SEC14L4: variants seen among roughly 807,000 people sequenced by gnomAD.
The protein encoded by SEC14L4 is SEC14-like protein 4.
Under a neutral mutation model 55.1 loss-of-function variants are expected in SEC14L4, and 42 were observed. The observed-to-expected ratio is 0.76, with a 90% CI of 0.60 to 0.99. SEC14L4 has a LOEUF of 0.99. Ranked by LOEUF, SEC14L4 falls within the 50% of genes least tolerant of loss-of-function variation. The pLI, the probability that SEC14L4 is intolerant of heterozygous loss-of-function variation, is 0.00. For missense variants in SEC14L4, 445 were observed against 512.1 expected, an observed-to-expected ratio of 0.87 and a Z score of 1.27; for synonymous variants, 206 against 206.8, an observed-to-expected ratio of 1.00 and a Z score of 0.03.
rs1171350949 is a variant in SEC14L4, at chr22:30,492,034, C to G, written c.771+15G>C. Reference sequence around the variant, plus strand: ...AGCTTCTCCCCTCCTTCCCCATCCTCTGGGCACCCTGTACCTTGGTCAGGC... The same window carrying G: ...AGCTTCTCCCCTCCTTCCCCATCCTGTGGGCACCCTGTACCTTGGTCAGGC... On this transcript the variant is annotated intron_variant, in intron 9 of 11. Coordinates refer to ENST00000255858, the MANE Select transcript of SEC14L4 (RefSeq NM_174977.4). 1.9e-6 allele frequency: 3 copies of G among 1,613,604 alleles called. No individual in the cohort carries two copies. The highest frequency in any genetic ancestry group is 2.5e-6 in the Non-Finnish European group (3 of 1,179,756).
chr22:30,489,702 C>T lies in SEC14L4; in HGVS notation c.*405G>A. ...GCTTCTCTGCTCTTCAGGCCTGAAG[C>T]TGTGATGTCCACAGGACCTAGGAAC... On this transcript the variant is annotated 3_prime_UTR_variant, in exon 12 of 12. Coordinates refer to ENST00000255858, the MANE Select transcript of SEC14L4 (RefSeq NM_174977.4). 1.5e-6 allele frequency: 1 copy of T among 683,588 alleles called. No individual in the cohort carries two copies. Among genetic ancestry groups the T allele is most frequent in the South Asian group, 1.8e-5 (1 of 57,060 alleles). 42.3% of individuals were successfully genotyped at this position (683,588 alleles called of 1,614,324 possible). A position where few individuals can be genotyped will look rare whatever the true frequency, so the allele number is the denominator to read the frequency against.
At chr22:30,501,096 G>T (rs1033219971) in intron 2 of SEC14L4, among the ~76,000 whole-genome samples, 2 of 152,070 alleles carry the variant, frequency 1.3e-5, no homozygotes, top group African/African-American at 2.4e-5. Context: ...CAGAAGGAGG[G>T]TTGGGAAAAG....
rs928661200 is a variant in SEC14L4 at position 30,492,043 on chromosome 22, C to G, written c.771+6G>C. 1.2e-6 allele frequency: 2 copies of G among 1,613,810 alleles called. No homozygotes were observed. Among genetic ancestry groups the G allele is most frequent in the South Asian group, 2.2e-5 (2 of 91,038 alleles). On this transcript the variant is annotated splice_donor_region_variant and intron_variant, in intron 9 of 11. Transcript: ENST00000255858. ...CCTCCTTCCCCATCCTCTGGGCACC[C>G]TGTACCTTGGTCAGGCACTTGGGGT...
chr22:30,504,641 G>A (rs937029056), intron 1 of SEC14L4, among the ~76,000 whole-genome samples: 16 of 152,282 alleles, frequency 1.1e-4, no homozygotes, highest in Middle Eastern at 6.8e-3. Flanking sequence ...CCGGACAATG[G>A]AGGCTTTGTG....
chr22:30,505,653 C>T lies in SEC14L4; in HGVS notation c.-42G>A. 1 of 1,505,160 alleles carries T rather than the reference C, an allele frequency of 6.6e-7. No individual in the cohort carries two copies. 93.2% of individuals were successfully genotyped at this position (1,505,160 alleles called of 1,614,324 possible). A position where few individuals can be genotyped will look rare whatever the true frequency, so the allele number is the denominator to read the frequency against. On this transcript the variant is annotated 5_prime_UTR_variant, in exon 1 of 12. Coordinates refer to ENST00000255858, the MANE Select transcript of SEC14L4 (RefSeq NM_174977.4). Reference sequence around the variant, plus strand: ...GAAAGGCTCAGGGCGCAGGTCCGCCCGCCCGCCGCCGCCTGGCCTTGTATC... The same window carrying T: ...GAAAGGCTCAGGGCGCAGGTCCGCCTGCCCGCCGCCGCCTGGCCTTGTATC...
Position 30,490,284 on chromosome 22 carries a change from C to G in SEC14L4, c.1082-38G>C, listed in dbSNP as rs75052363. 215 of 1,607,508 alleles carry G rather than the reference C, an allele frequency of 1.3e-4. 1 individual carries two copies. The highest frequency in any genetic ancestry group is 1.8e-4 in the Non-Finnish European group (208 of 1,179,770). ...AGAGGTGATCAGGGAGCACAAACCC[C>G]GCACATCTGCAGGAAGAGCCAGCCC... On this transcript the variant is annotated intron_variant, in intron 11 of 11. Coordinates refer to ENST00000255858, the MANE Select transcript of SEC14L4 (RefSeq NM_174977.4).
Position 30,496,406 on chromosome 22 carries a change from G to C in SEC14L4, c.131-435C>G, listed in dbSNP as rs561890905. ...CCCAAAGTGTTGGAATTACAGGCGC[G>C]AGCCTCTGTGCCTGACCTAGAAATG... On this transcript the variant is annotated intron_variant, in intron 2 of 11. Transcript: ENST00000255858. Among the ~76,000 whole-genome samples, 64 of 152,236 alleles carry C rather than the reference G, an allele frequency of 4.2e-4. No individual in the cohort carries two copies. In the South Asian group the frequency reaches 9.6e-3, roughly 23 times the overall value.
chr22:30,489,900 C>T lies in SEC14L4; in HGVS notation c.*207G>A. On this transcript the variant is annotated 3_prime_UTR_variant, in exon 12 of 12. Transcript: ENST00000255858. ...TTCTCTGGGAACAGGGAAAGAGGTT[C>T]CTGTCTGAATCTTCAGCATGGGCTA... The T allele has an allele frequency of 1.3e-6, 2 of 1,551,766 alleles. No homozygotes were observed. Among genetic ancestry groups the T allele is most frequent in the Non-Finnish European group, 1.7e-6 (2 of 1,147,004 alleles).
At chr22:30,491,809 G>T (rs370332280) in intron 10 of SEC14L4, 25 bp downstream of exon 10, 1 of 1,611,908 alleles carries the variant, frequency 6.2e-7, no homozygotes, top group Non-Finnish European at 8.5e-7. Flanking sequence ...GATGTGCCCA[G>T]GTGTAGAGTG....
In SEC14L4 at chr22:30,492,541, G is replaced by A. The variant is rs201915950; in HGVS notation, c.597C>T (p.Pro199=). ...LIVIRAPKLF[P]VAFNLVKSFM... The stretch of plus-strand genomic sequence containing the variant: ...ACGACTTGACCAAGTTGAAGGCCAC[G>A]GGGAACAGTTTTGGGGCTGAAACAC... The change falls in exon 8 of 12, where the codon CCC becomes CCT. Residue 199 remains proline, a synonymous_variant. Transcript: ENST00000255858. The A allele has an allele frequency of 9.5e-5, 153 of 1,613,224 alleles. No homozygotes were observed. The highest frequency in any genetic ancestry group is 1.3e-4 in the South Asian group (12 of 91,044).
In SEC14L4 at chr22:30,493,732, G is replaced by T. The variant is rs867574492; in HGVS notation, c.580+418C>A. 2.0e-5 allele frequency among the ~76,000 whole-genome samples: 3 copies of T among 152,162 alleles called. No homozygotes were observed. In the East Asian group the frequency reaches 5.8e-4, roughly 29 times the overall value. ...AAAAATAAAGCCAGAGGCCGGGTGC[G>T]GTGGCTCACATCTATAATCCCAGCA... On this transcript the variant is annotated intron_variant, in intron 7 of 11. Transcript: ENST00000255858.
At chr22:30,502,970 G>T (rs1375592084) in intron 2 of SEC14L4, among the ~76,000 whole-genome samples, 1 of 152,218 alleles carries the variant, frequency 6.6e-6, no homozygotes, top group Non-Finnish European at 1.5e-5. Context: ...GGGCACCTCG[G>T]TTCCTTTAGG....
Position 30,495,449 on chromosome 22 carries a change from G to T in SEC14L4, c.235-7C>A. Reference sequence around the variant, plus strand: ...AGTCATACAGCTGGATGACCTGGAAGTGTGGGTAAGGTCCCGACTCAATCC... The same window carrying T: ...AGTCATACAGCTGGATGACCTGGAATTGTGGGTAAGGTCCCGACTCAATCC... On this transcript the variant is annotated splice_polypyrimidine_tract_variant and splice_region_variant and intron_variant, in intron 4 of 11. Coordinates refer to ENST00000255858, the MANE Select transcript of SEC14L4 (RefSeq NM_174977.4). 1 of 1,612,926 alleles carries T rather than the reference G, an allele frequency of 6.2e-7. No individual in the cohort carries two copies.
At chr22:30,494,625 T>G (rs1315060523) in intron 6 of SEC14L4, among the ~76,000 whole-genome samples, 4 of 152,212 alleles carry the variant, frequency 2.6e-5, no homozygotes, top group South Asian at 2.1e-4. Flanking sequence ...TCTTCCCACC[T>G]TGGCTTCCCA....
intron 2 of SEC14L4, 149 bp from the exon 3 acceptor site, chr22:30,496,120 T>C: frequency 1.5e-6 from 1 of 653,934 alleles, no homozygotes; most frequent in East Asian, 2.7e-5. Context: ...TGTTTGTTTG[T>C]TTGTGTGTTT....
At chr22:30,504,791 T>G (rs1035479641) in intron 1 of SEC14L4, among the ~76,000 whole-genome samples, 2 of 152,074 alleles carry the variant, frequency 1.3e-5, no homozygotes, top group African/African-American at 2.4e-5. Flanking sequence ...AAGGCTGGGT[T>G]TGAAGGTGAA....
At chr22:30,502,030 C>T (rs1334181611) in intron 2 of SEC14L4, among the ~76,000 whole-genome samples, 1 of 151,612 alleles carries the variant, frequency 6.6e-6, no homozygotes, top group Non-Finnish European at 1.5e-5. Flanking sequence ...CCACACCCAG[C>T]TAATTTTTGT....
chr22:30,496,045 A>C, intron 2 of SEC14L4, 74 bp from the exon 3 acceptor site: 1 of 1,278,554 alleles, frequency 7.8e-7, no homozygotes, highest in East Asian at 2.4e-5. Flanking sequence ...CTCATGAGGA[A>C]ACAGCTAAGG....
At chr22:30,504,615 T>C (rs1568951653) in intron 1 of SEC14L4, among the ~76,000 whole-genome samples, 1 of 152,086 alleles carries the variant, frequency 6.6e-6, no homozygotes, top group African/African-American at 2.4e-5. Context: ...TCAGCCAGCG[T>C]GGACTGCCTG....
Sources: allele counts gnomAD v4.1 joint callset (sites outside exome capture counted in the v4.1 genomes callset), GRCh38; gene constraint gnomAD v4.1.1; transcripts MANE v1.5; gene names NCBI Gene and HGNC (gene_info 2026-07-23, HGNC 2026-07-21).